RSF1: variants seen among roughly 807,000 people sequenced by gnomAD.
RSF1 encodes the protein HBV pX-associated protein 8.
A neutral mutation model predicts 145.2 loss-of-function variants in RSF1; 13 were observed. The observed-to-expected ratio is 0.09, with a 90% CI of 0.06 to 0.14. RSF1 has a LOEUF of 0.14. RSF1 is among the 10% of genes least tolerant of loss of function. The pLI, the probability that RSF1 is intolerant of heterozygous loss-of-function variation, is 1.00. For synonymous variants in RSF1, 577 were observed against 592.6 expected (o/e 0.97, Z 0.38); for missense variants, 1,517 against 1,718.2 (o/e 0.88, Z 2.07).
In RSF1 at chr11:77,671,996, A is replaced by G. The variant is rs757942824; in HGVS notation, c.3751+46T>C. On this transcript the variant is annotated intron_variant, in intron 15 of 15. Coordinates refer to ENST00000308488, the MANE Select transcript of RSF1 (RefSeq NM_016578.4). Reference sequence around the variant, plus strand: ...ATCCTGAGTTCACTTTATAATGTCTATTTTGCCCTGTCCAAACTTCTATAT... The same window carrying G: ...ATCCTGAGTTCACTTTATAATGTCTGTTTTGCCCTGTCCAAACTTCTATAT... 4 of 1,488,536 alleles carry G rather than the reference A, an allele frequency of 2.7e-6. No individual in the cohort carries two copies. In the South Asian group the frequency reaches 3.8e-5, roughly 14 times the overall value. The allele number at this position is 1,488,536 out of a possible 1,614,324, so 92.2% of individuals were successfully genotyped here.
chr11:77,737,845 G>T (rs1043806285), intron 4 of RSF1, among the ~76,000 whole-genome samples: 2 of 152,124 alleles, frequency 1.3e-5, no homozygotes, highest in African/African-American at 4.8e-5. Flanking sequence ...AAAGCGAATA[G>T]CTGGCCAGGC....
chr11:77,834,596 G>A, the RSF1 span, among the ~76,000 whole-genome samples: 1 of 151,850 alleles, frequency 6.6e-6, no homozygotes, highest in African/African-American at 2.4e-5. Flanking sequence ...TGTATTTTTG[G>A]TACATATGGG....
intron 1 of RSF1, among the ~76,000 whole-genome samples, chr11:77,767,358 T>C (rs1017627242): frequency 2.6e-5 from 4 of 152,196 alleles, no homozygotes; most frequent in Non-Finnish European, 5.9e-5. Flanking sequence ...GATAGTCTCC[T>C]GCAATCAAAC....
intron 10 of RSF1, 117 bp downstream of exon 10, chr11:77,684,988 G>GAAATAAATAAATAAATAAAT (rs112115163): frequency 3.5e-5 from 16 of 459,490 alleles, no homozygotes; most frequent in African/African-American, 3.3e-4. Context: ...ACTCCATCTC[G>GAAATAAATAAATAAATAAAT]AAATAAATAA....
At position 77,692,331 on chromosome 11, in the gene RSF1, G is replaced by A. The variant is rs1375536665; in HGVS notation, c.2821-1093C>T. Among the ~76,000 whole-genome samples, 9 of 85,732 alleles carry A rather than the reference G, an allele frequency of 1.0e-4. 2 individuals are homozygous for A. The highest frequency in any genetic ancestry group is 5.6e-3 in the Middle Eastern group (1 of 178). The allele number at this position is 85,732 out of a possible 152,430, so 56.2% of individuals were successfully genotyped here. A position where few individuals can be genotyped will look rare whatever the true frequency, so the allele number is the denominator to read the frequency against. ...GGGATCTCGGCTCACTGCAAGCTCC[G>A]CCTCCTGGGTTCACGCCATTCTCCT... On this transcript the variant is annotated intron_variant, in intron 8 of 15. Transcript: ENST00000308488.
At chr11:77,738,010 T>G (rs1590859615) in intron 4 of RSF1, among the ~76,000 whole-genome samples, 1 of 152,246 alleles carries the variant, frequency 6.6e-6, no homozygotes, top group East Asian at 1.9e-4. Context: ...GTGCCTGTAG[T>G]CCCAGCTACT....
At chr11:77,855,720 CTTT>C in the RSF1 span, among the ~76,000 whole-genome samples, 6 of 127,958 alleles carry the variant, frequency 4.7e-5, no homozygotes, top group Admixed American at 2.5e-4. Flanking sequence ...AGTTTTATGT[CTTT>C]TTTTTTTTTT....
At chr11:77,711,113 A>ACC (rs893995601) in intron 5 of RSF1, among the ~76,000 whole-genome samples, 2 of 140,304 alleles carry the variant, frequency 1.4e-5, no homozygotes, top group African/African-American at 5.4e-5. Context: ...ACACATAGAC[A>ACC]CCCCCCCTGA....
chr11:77,772,422 T>C (rs1948295427), intron 1 of RSF1, among the ~76,000 whole-genome samples: 1 of 152,130 alleles, frequency 6.6e-6, no homozygotes, highest in South Asian at 2.1e-4. Flanking sequence ...GATCCGCCCA[T>C]CTTGGCCTCC....
chr11:77,836,033 T>C, the RSF1 span, among the ~76,000 whole-genome samples: 1 of 152,196 alleles, frequency 6.6e-6, no homozygotes, highest in Non-Finnish European at 1.5e-5. Flanking sequence ...TTATTAGCTA[T>C]ATAACTTGGA....
chr11:77,799,769 A>C (rs755517700), intron 1 of RSF1, among the ~76,000 whole-genome samples: 1 of 152,204 alleles, frequency 6.6e-6, no homozygotes, highest in South Asian at 2.1e-4. Context: ...CTTTAACTAG[A>C]CTGATGAAGA....
intron 9 of RSF1, among the ~76,000 whole-genome samples, chr11:77,689,794 A>G (rs896109692): frequency 6.6e-6 from 1 of 152,224 alleles, no homozygotes; most frequent in African/African-American, 2.4e-5. Context: ...GTACAAATAA[A>G]TATGAACTGT....
intron 1 of RSF1, among the ~76,000 whole-genome samples, chr11:77,814,348 T>G (rs979873125): frequency 6.6e-6 from 1 of 152,054 alleles, no homozygotes; most frequent in East Asian, 1.9e-4. Context: ...AAAAAATTTT[T>G]AAAAATTAGC....
intron 1 of RSF1, among the ~76,000 whole-genome samples, chr11:77,770,449 C>T (rs759979550): frequency 2.0e-5 from 3 of 152,088 alleles, no homozygotes; most frequent in African/African-American, 7.2e-5. Context: ...AGTGAGACTC[C>T]GTCTCAAAAA....
chr11:77,696,864 CTA>C (rs1467623130), intron 7 of RSF1, among the ~76,000 whole-genome samples: 3 of 152,174 alleles, frequency 2.0e-5, no homozygotes, highest in African/African-American at 7.2e-5. Flanking sequence ...TTCTCTGGTT[CTA>C]TCTTTTACTT....
At chr11:77,756,706 T>A (rs1948119696) in intron 2 of RSF1, among the ~76,000 whole-genome samples, 1 of 152,220 alleles carries the variant, frequency 6.6e-6, no homozygotes, top group Non-Finnish European at 1.5e-5. Context: ...GAAAGTAATG[T>A]TAACCTCAGG....
At chr11:77,824,234 G>A, upstream of RSF1, among the ~76,000 whole-genome samples, 1 of 152,210 alleles carries the variant, frequency 6.6e-6, no homozygotes, top group East Asian at 1.9e-4. Flanking sequence ...GACAATTTAT[G>A]TAGTTATATA....
In RSF1 at chr11:77,691,127, C is replaced by T. The variant is rs183508740; in HGVS notation, c.2900+32G>A. The T allele has an allele frequency of 1.8e-4, 281 of 1,589,950 alleles. 1 individual carries two copies. In the East Asian group the frequency reaches 5.1e-3, roughly 29 times the overall value. Reference sequence around the variant, plus strand: ...TGAGACAATTCTGCTCTCATATTCCCAAACAAAACATTAACACACATATAA... The same window carrying T: ...TGAGACAATTCTGCTCTCATATTCCTAAACAAAACATTAACACACATATAA... On this transcript the variant is annotated intron_variant, in intron 9 of 15. Coordinates refer to ENST00000308488, the MANE Select transcript of RSF1 (RefSeq NM_016578.4).
At chr11:77,863,059 G>A in the RSF1 span, among the ~76,000 whole-genome samples, 2 of 152,132 alleles carry the variant, frequency 1.3e-5, no homozygotes, top group Admixed American at 1.3e-4. Flanking sequence ...CAAGCCTCGT[G>A]TTCTCTGACC....
Sources: gnomAD v4.1 joint callset for allele counts (sites outside exome capture counted in the v4.1 genomes callset) on GRCh38, gnomAD v4.1.1 for gene constraint, MANE v1.5 for transcripts, NCBI Gene and HGNC (gene_info 2026-07-23, HGNC 2026-07-21) for gene names.